ELF1: variants seen among roughly 807,000 people sequenced by gnomAD.
The protein encoded by ELF1 is E74 like ETS transcription factor 1.
ELF1 carries 24 observed loss-of-function variants against 59.9 expected under a neutral mutation model. The observed-to-expected ratio is 0.40, with a 90% CI of 0.29 to 0.56. The LOEUF (loss-of-function observed/expected upper bound fraction) is 0.56. Among genes scored for constraint, ELF1 ranks in the 20% least tolerant of loss-of-function variants. The pLI is 0.44. For synonymous variants in ELF1, 248 were observed against 266.2 expected, an observed-to-expected ratio of 0.93 and a Z score of 0.67; for missense variants, 627 against 742.2, an observed-to-expected ratio of 0.84 and a Z score of 1.80.
At chr13:41,028,886 AC>A (rs1413414885) in intron 1 of ELF1, among the ~76,000 whole-genome samples, 1 of 152,078 alleles carries the variant, frequency 6.6e-6, no homozygotes, top group Non-Finnish European at 1.5e-5. Flanking sequence ...AGTGCACACC[AC>A]CATGCCCGGC....
intron 1 of ELF1, among the ~76,000 whole-genome samples, chr13:41,005,478 C>CAA (rs796230971): frequency 1.5e-5 from 2 of 131,910 alleles, no homozygotes; most frequent in African/African-American, 5.6e-5. Flanking sequence ...AAACCTACCA[C>CAA]AAAAAAAAAA....
intron 1 of ELF1, among the ~76,000 whole-genome samples, chr13:41,055,346 CATGCCTCTGCTCCTGCTTGCTTCCTCTCA>C (rs1364544473): frequency 2.0e-5 from 3 of 151,800 alleles, no homozygotes; most frequent in Non-Finnish European, 2.9e-5. Context: ...TAACTGTTGA[CATGCCTCTGCTCCTGCTTGCTTCCTCTCA>C]ATGCCTTGTC....
At chr13:41,044,816 G>C (rs545005791) in intron 1 of ELF1, among the ~76,000 whole-genome samples, 4 of 152,320 alleles carry the variant, frequency 2.6e-5, no homozygotes, top group African/African-American at 9.6e-5. Flanking sequence ...CATAAAATGA[G>C]TTAGGGAAGA....
intron 1 of ELF1, among the ~76,000 whole-genome samples, chr13:41,037,763 T>A (rs143266712): frequency 6.7e-6 from 1 of 149,528 alleles, no homozygotes; most frequent in Non-Finnish European, 1.5e-5. Flanking sequence ...ACCACTGCAC[T>A]CCAGCCTGGG....
intron 1 of ELF1, among the ~76,000 whole-genome samples, chr13:41,052,964 T>A (rs1434870676): frequency 6.6e-6 from 1 of 152,220 alleles, no homozygotes; most frequent in Admixed American, 6.5e-5. Flanking sequence ...CACAACTCCA[T>A]ATATTTACTT....
chr13:40,958,662 A>C (rs1469073990), intron 3 of ELF1, among the ~76,000 whole-genome samples, 174 bp downstream of exon 3: 7 of 152,212 alleles, frequency 4.6e-5, no homozygotes, highest in African/African-American at 1.7e-4. Context: ...ACAGTACTAA[A>C]TCCAGCAGAT....
At chr13:41,055,680 A>G (rs1404506784) in intron 1 of ELF1, among the ~76,000 whole-genome samples, 1 of 151,844 alleles carries the variant, frequency 6.6e-6, no homozygotes, top group African/African-American at 2.4e-5. Context: ...TTATTCCATT[A>G]TTATTTTAAT....
chr13:40,987,981 A>G (rs1434147417), intron 1 of ELF1, among the ~76,000 whole-genome samples: 2 of 152,250 alleles, frequency 1.3e-5, no homozygotes, highest in East Asian at 3.8e-4. Flanking sequence ...AAAGTGAGAG[A>G]AAAGAAGTGA....
At chr13:40,978,385 A>AAC (rs1364891009) in intron 2 of ELF1, among the ~76,000 whole-genome samples, 1 of 151,896 alleles carries the variant, frequency 6.6e-6, no homozygotes, top group African/African-American at 2.4e-5. Context: ...CTCAAAAAAA[A>AAC]AACAAAAAAG....
rs1164306892 is a variant in ELF1 at position 41,016,914 on chromosome 13, C to CA, written c.-229+2313dup. Among the ~76,000 whole-genome samples, 30 of 12,902 alleles carry CA rather than the reference C, an allele frequency of 2.3e-3. 10 individuals carry two copies. Among genetic ancestry groups the CA allele is most frequent in the East Asian group, 5.6e-3 (2 of 358 alleles). The allele number at this position is 12,902 out of a possible 152,430, so 8.5% of individuals were successfully genotyped here. A position where few individuals can be genotyped will look rare whatever the true frequency, so the allele number is the denominator to read the frequency against. On this transcript the variant is annotated intron_variant, in intron 1 of 8. Transcript: ENST00000239882. ...GGGCAACAAGAGTGAAACTCCGTCTCAAAAAAAAAAAAAAAAAAAAAAAAA... is the reference window on the plus strand; with the variant it reads ...GGGCAACAAGAGTGAAACTCCGTCTCAAAAAAAAAAAAAAAAAAAAAAAAAA...
chr13:40,988,347 C>G (rs1809660541), intron 1 of ELF1, among the ~76,000 whole-genome samples: 1 of 152,154 alleles, frequency 6.6e-6, no homozygotes, highest in Admixed American at 6.5e-5. Context: ...GCAAAGAAAG[C>G]AAGAAAAGCC....
intron 3 of ELF1, among the ~76,000 whole-genome samples, chr13:40,958,597 A>G (rs1223169487): frequency 6.6e-6 from 1 of 152,112 alleles, no homozygotes; most frequent in Non-Finnish European, 1.5e-5. Context: ...AATGCCTCTT[A>G]TTTTGTCACA....
At chr13:40,974,905 C>G (rs1020213473) in intron 2 of ELF1, among the ~76,000 whole-genome samples, 8 of 152,138 alleles carry the variant, frequency 5.3e-5, no homozygotes, top group Non-Finnish European at 1.2e-4. Flanking sequence ...AGTCAGATCT[C>G]CCCCAGAAGG....
Position 40,949,962 on chromosome 13 carries a change from A to G in ELF1, c.373T>C (p.Phe125Leu). 6.2e-7 allele frequency: 1 copy of G among 1,610,022 alleles called. No individual in the cohort carries two copies. The highest frequency in any genetic ancestry group is 8.5e-7 in the Non-Finnish European group (1 of 1,178,322). Reference sequence around the variant, plus strand: ...ACCATGTCATCTTCAGGTGAACTAAATATATTATTATCTAATGAAAATAAA... The same window carrying G: ...ACCATGTCATCTTCAGGTGAACTAAGTATATTATTATCTAATGAAAATAAA... ...LDEKRINNNI[F>L]SSPEDDMVVA... Residue 125 changes from phenylalanine (F) to leucine (L), a missense_variant, in exon 5 of 9, where the codon TTT (phenylalanine) becomes CTT (leucine). Coordinates refer to ENST00000239882, the MANE Select transcript of ELF1 (RefSeq NM_172373.4).
At chr13:40,966,320 G>A (rs1197906055) in intron 2 of ELF1, among the ~76,000 whole-genome samples, 2 of 152,210 alleles carry the variant, frequency 1.3e-5, no homozygotes, top group Non-Finnish European at 2.9e-5. Flanking sequence ...GCTCCAAAGA[G>A]ATTTCCCCTT....
At chr13:41,029,282 T>C (rs1240224137) in intron 1 of ELF1, among the ~76,000 whole-genome samples, 1 of 152,248 alleles carries the variant, frequency 6.6e-6, no homozygotes, top group African/African-American at 2.4e-5. Flanking sequence ...GGAACTGTGA[T>C]GGTTAATTTC....
chr13:41,059,456 C>T (rs1191439849), intron 1 of ELF1, among the ~76,000 whole-genome samples: 2 of 152,094 alleles, frequency 1.3e-5, no homozygotes, highest in African/African-American at 4.8e-5. Flanking sequence ...ACAAGGTAAG[C>T]CTAATTAATC....
At chr13:40,948,870 C>G (rs951728008) in intron 5 of ELF1, among the ~76,000 whole-genome samples, 1 of 152,182 alleles carries the variant, frequency 6.6e-6, no homozygotes, top group Admixed American at 6.5e-5. Flanking sequence ...AGGAAGCTGA[C>G]TAGACCTTAC....
Position 40,941,158 on chromosome 13 carries a change from C to A in ELF1, c.1019G>T (p.Gly340Val), listed in dbSNP as rs770770944. The A allele has an allele frequency of 4.3e-6, 7 of 1,614,058 alleles. No individual in the cohort carries two copies. The highest frequency in any genetic ancestry group is 5.9e-6 in the Non-Finnish European group (7 of 1,179,920). Residue 340 changes from glycine to valine, a missense_variant, in exon 8 of 9, where the codon GGA becomes GTA. Around this residue, in one of 3 missense-constraint regions of ELF1, gnomAD observed 361 missense variants for 396.1 expected, o/e 0.91. Transcript: ENST00000239882. ...RVSSSPGVKGGATTVLKPGNS... is the reference protein window; with the variant it reads ...RVSSSPGVKGVATTVLKPGNS... ...CCCTGGTTTTAGAACTGTAGTGGCT[C>A]CTCCTTTTACCCCTGGACTTGAAGA...
Sources: gnomAD v4.1 joint callset for allele counts (sites outside exome capture counted in the v4.1 genomes callset) on GRCh38, gnomAD v4.1.1 for gene constraint, gnomAD v4.1.1 regional missense constraint, MANE v1.5 for transcripts, NCBI Gene and HGNC (gene_info 2026-07-23, HGNC 2026-07-21) for gene names.